The following CRYL1 variants were observed in gnomAD, a reference collection of about 807,000 sequenced individuals.
CRYL1 encodes the protein lambda-crystallin homolog.
Under a neutral mutation model 36.6 loss-of-function variants are expected in CRYL1, and 29 were observed. The observed-to-expected ratio is 0.79, with a 90% confidence interval of 0.59 to 1.08. The LOEUF (loss-of-function observed/expected upper bound fraction) is 1.08, where lower values mean the gene tolerates loss of function less well. Among genes scored for constraint, CRYL1 ranks in the 50% least tolerant of loss-of-function variants. CRYL1 has a pLI of 0.00. For synonymous variants in CRYL1, 152 were observed against 151.5 expected, an observed-to-expected ratio of 1.00 and a Z score of -0.02; for missense variants, 411 against 407.9, an observed-to-expected ratio of 1.01 and a Z score of -0.06.
At chr13:20,443,371 C>T (rs2032387499) in intron 3 of CRYL1, among the ~76,000 whole-genome samples, 1 of 152,066 alleles carries the variant, frequency 6.6e-6, no homozygotes, top group Non-Finnish European at 1.5e-5. Context: ...TTTAAATCCA[C>T]CCAGGCATTT....
intron 4 of CRYL1, among the ~76,000 whole-genome samples, chr13:20,436,549 C>G (rs4770031): frequency 0.7 from 105,869 of 152,016 alleles, 37,156 homozygotes; most frequent in East Asian, 0.94. Context: ...AAAATGTCCA[C>G]AACAGAGCCG....
At chr13:20,451,526 C>A (rs1000340901) in intron 3 of CRYL1, among the ~76,000 whole-genome samples, 2 of 152,044 alleles carry the variant, frequency 1.3e-5, no homozygotes, top group Admixed American at 1.3e-4. Flanking sequence ...AGCCAACAAA[C>A]ATGAAAAAAT....
intron 5 of CRYL1, among the ~76,000 whole-genome samples, chr13:20,423,852 C>T (rs147621414): frequency 2.7e-3 from 400 of 145,894 alleles, no homozygotes; most frequent in African/African-American, 8.8e-3. Flanking sequence ...CTCACTGCAA[C>T]CTCTGTCTCC....
chr13:20,456,527 G>T (rs1038390851), intron 3 of CRYL1, among the ~76,000 whole-genome samples: 1 of 150,980 alleles, frequency 6.6e-6, no homozygotes, highest in Non-Finnish European at 1.5e-5. Flanking sequence ...GAGGCAGGAG[G>T]ATTGCTTGAG....
At chr13:20,483,475 A>G (rs1473291845) in intron 3 of CRYL1, among the ~76,000 whole-genome samples, 1 of 151,920 alleles carries the variant, frequency 6.6e-6, no homozygotes, top group African/African-American at 2.4e-5. Context: ...CAGCTTTCTC[A>G]CTTGGACTGT....
chr13:20,413,450 TTCCA>T, intron 5 of CRYL1, 63 bp from the exon 6 acceptor site: 1 of 1,015,396 alleles, frequency 9.8e-7, no homozygotes. Context: ...TGACCACCAC[TTCCA>T]TCCTAACTTC....
chr13:20,487,206 C>T (rs949588365), intron 3 of CRYL1, among the ~76,000 whole-genome samples: 1 of 151,198 alleles, frequency 6.6e-6, no homozygotes, highest in Non-Finnish European at 1.5e-5. Flanking sequence ...ACAATTGTTA[C>T]TGCTAGGAAA....
rs988298168 is a variant in CRYL1, at chr13:20,425,299, A to G, written c.633+6803T>C. ...TGACCTCAAAGCCTGTGAAACGATG[A>G]TGGAGCCCAGTTCTGCTCCTCCTTG... On this transcript the variant is annotated intron_variant, in intron 5 of 7. Transcript: ENST00000298248. This position sits in a 1 kb window ranked among gnomAD's most constrained non-coding sequence, Gnocchi z 4.4. 1.3e-5 allele frequency among the ~76,000 whole-genome samples: 2 copies of G among 152,168 alleles called. No homozygotes were observed. Among genetic ancestry groups the G allele is most frequent in the African/African-American group, 4.8e-5 (2 of 41,426 alleles).
intron 3 of CRYL1, among the ~76,000 whole-genome samples, chr13:20,451,061 G>A (rs1315723518): frequency 4.2e-5 from 6 of 143,128 alleles, no homozygotes; most frequent in Non-Finnish European, 7.6e-5. Context: ...GGCCTGTCGA[G>A]GGGTGGGGGG....
chr13:20,480,085 A>G (rs1391858862), intron 3 of CRYL1, among the ~76,000 whole-genome samples: 1 of 152,164 alleles, frequency 6.6e-6, no homozygotes, highest in East Asian at 1.9e-4. Flanking sequence ...AGAAACATTT[A>G]CTTCTTTGAA....
chr13:20,431,684 G>A, intron 5 of CRYL1: 3 of 1,108,406 alleles, frequency 2.7e-6, no homozygotes, highest in Non-Finnish European at 3.3e-6. Context: ...TCAAGCTCTT[G>A]AAACAATTAG....
intron 2 of CRYL1, among the ~76,000 whole-genome samples, chr13:20,498,147 T>C (rs547272806): frequency 2.9e-5 from 4 of 139,330 alleles, no homozygotes; most frequent in East Asian, 2.2e-4. Context: ...ACACCACACA[T>C]ACACCACCAT....
chr13:20,404,146 G>A lies in CRYL1; in HGVS notation c.943C>T (p.Gln315Ter), dbSNP rs750928337. The A allele has an allele frequency of 3.7e-6, 6 of 1,613,244 alleles. No individual in the cohort carries two copies. In the East Asian group the frequency reaches 6.7e-5, roughly 18 times the overall value. ...CAAGAAATTCACTGGGGCTGCACTT[G>A]ACTCTTCAACTTGGCGAGTCTCATG... is the stretch of plus-strand genomic sequence containing the variant. ...CLMRLAKLKSQVQPQ is the reference protein window; with the variant it reads ...CLMRLAKLKS Residue 315 changes from glutamine (Q) to a stop codon, truncating the protein, a stop_gained, in exon 8 of 8, where the codon CAA (glutamine) becomes TAA (stop). Transcript: ENST00000298248. LOFTEE classifies it high-confidence loss of function.
intron 2 of CRYL1, among the ~76,000 whole-genome samples, chr13:20,497,709 C>T (rs1391743328): frequency 1.3e-5 from 2 of 150,240 alleles, no homozygotes; most frequent in Non-Finnish European, 3.0e-5. Flanking sequence ...ATATGCCCTA[C>T]ACACACCACA....
At chr13:20,477,365 T>C (rs2033187130) in intron 3 of CRYL1, among the ~76,000 whole-genome samples, 1 of 151,238 alleles carries the variant, frequency 6.6e-6, no homozygotes. Flanking sequence ...ATATATATAA[T>C]ATTTGTATAA....
chr13:20,460,678 A>C (rs923933246), intron 3 of CRYL1, among the ~76,000 whole-genome samples: 1 of 151,780 alleles, frequency 6.6e-6, no homozygotes, highest in Non-Finnish European at 1.5e-5. Flanking sequence ...GGCGCCCGCC[A>C]CTACGCCCGG....
At chr13:20,473,685 G>A (rs2033106049) in intron 3 of CRYL1, among the ~76,000 whole-genome samples, 1 of 152,204 alleles carries the variant, frequency 6.6e-6, no homozygotes, top group African/African-American at 2.4e-5. Flanking sequence ...GTGAAAGTGG[G>A]GCTAGGTACT....
rs991645799 is a variant in CRYL1, at chr13:20,435,719, C to G, written c.439-3423G>C. Among the ~76,000 whole-genome samples, 1 of 152,326 alleles carries G rather than the reference C, an allele frequency of 6.6e-6. No individual in the cohort carries two copies. Among genetic ancestry groups the G allele is most frequent in the East Asian group, 1.9e-4 (1 of 5,170 alleles). ...CGCAGGGGCCTGGGCCTGCGCAGGC[C>G]GGCGGAGCACAAGGGACGCATTCTT... On this transcript the variant is annotated intron_variant, in intron 4 of 7. Coordinates refer to ENST00000298248, the MANE Select transcript of CRYL1 (RefSeq NM_015974.3). This position sits in a 1 kb window ranked among gnomAD's most constrained non-coding sequence, Gnocchi z 4.0.
At chr13:20,507,715 G>C (rs375944610) in intron 2 of CRYL1, among the ~76,000 whole-genome samples, 3 of 152,036 alleles carry the variant, frequency 2.0e-5, no homozygotes, top group South Asian at 2.1e-4. Context: ...TCAGGAGATC[G>C]AGACCATCCT....
Sources: allele counts gnomAD v4.1 joint callset (sites outside exome capture counted in the v4.1 genomes callset), GRCh38; gene constraint gnomAD v4.1.1; non-coding constraint Gnocchi (gnomAD v3.1); transcripts MANE v1.5; gene names NCBI Gene and HGNC (gene_info 2026-07-23, HGNC 2026-07-21).